Variants in SPAG17 observed in about 807,000 individuals in gnomAD.
SPAG17 encodes the protein sperm associated antigen 17.
Under a neutral mutation model 273.6 loss-of-function variants are expected in SPAG17, and 169 were observed. That is an observed-to-expected ratio of 0.62 (90% CI 0.55 to 0.70). SPAG17 has a LOEUF of 0.70. Ranked by LOEUF, SPAG17 falls within the 30% of genes least tolerant of loss-of-function variation. The probability of loss-of-function intolerance (pLI) is 0.00; values close to 1 mark genes in which losing one functional copy is unlikely to be tolerated. For missense variants in SPAG17, 2,557 were observed against 2,627.8 expected (o/e 0.97, Z 0.59); for synonymous variants, 825 against 873.2 (o/e 0.94, Z 0.97).
intron 1 of SPAG17, among the ~76,000 whole-genome samples, chr1:118,175,919 C>T (rs1170714568): frequency 6.6e-6 from 1 of 152,002 alleles, no homozygotes; most frequent in Non-Finnish European, 1.5e-5. Context: ...GCTATAGCAA[C>T]CTGGTAAGAG....
intron 6 of SPAG17, among the ~76,000 whole-genome samples, chr1:118,098,595 T>TA (rs1232484635): frequency 6.6e-6 from 1 of 152,148 alleles, no homozygotes; most frequent in Non-Finnish European, 1.5e-5. Flanking sequence ...TTTAGTATTA[T>TA]AACTATCCTT....
At chr1:118,098,388 T>C (rs150271740) in intron 6 of SPAG17, among the ~76,000 whole-genome samples, 209 of 152,270 alleles carry the variant, frequency 1.4e-3, no homozygotes, top group Non-Finnish European at 2.6e-3. Flanking sequence ...CAGATTTCCA[T>C]AAAATTATGC....
At chr1:118,032,625 C>CA (rs1424711518) in intron 24 of SPAG17, among the ~76,000 whole-genome samples, 12 of 151,704 alleles carry the variant, frequency 7.9e-5, no homozygotes, top group Admixed American at 6.6e-4. Context: ...GACAGAGTGT[C>CA]ACTCTGTCAC....
chr1:117,987,378 T>C (rs1262824632), intron 40 of SPAG17, among the ~76,000 whole-genome samples: 1 of 152,230 alleles, frequency 6.6e-6, no homozygotes, highest in Non-Finnish European at 1.5e-5. Flanking sequence ...GATAGTTTCA[T>C]GAGTACTGCT....
At chr1:117,975,959 T>A (rs1655088038) in intron 43 of SPAG17, among the ~76,000 whole-genome samples, 1 of 152,248 alleles carries the variant, frequency 6.6e-6, no homozygotes, top group Non-Finnish European at 1.5e-5. Flanking sequence ...CTAAGCATTT[T>A]ACATACATTA....
intron 20 of SPAG17, among the ~76,000 whole-genome samples, chr1:118,051,440 C>T (rs1466051472): frequency 1.3e-5 from 2 of 151,752 alleles, no homozygotes; most frequent in Non-Finnish European, 2.9e-5. Flanking sequence ...TATCTGCATG[C>T]CCATGTTTAT....
chr1:117,969,899 T>C (rs183505001), intron 46 of SPAG17, among the ~76,000 whole-genome samples, 157 bp downstream of exon 46: 16 of 152,318 alleles, frequency 1.1e-4, no homozygotes, highest in Admixed American at 6.5e-4. Context: ...ACTGTATCAC[T>C]ACGAGAAATC....
chr1:117,967,819 G>A (rs1215620097), intron 46 of SPAG17, among the ~76,000 whole-genome samples: 1 of 152,154 alleles, frequency 6.6e-6, no homozygotes, highest in East Asian at 1.9e-4. Flanking sequence ...GCCTCTCCAG[G>A]AGGTGGGTTA....
intron 3 of SPAG17, among the ~76,000 whole-genome samples, chr1:118,149,028 C>T (rs1659227438): frequency 6.6e-6 from 1 of 152,184 alleles, no homozygotes; most frequent in Non-Finnish European, 1.5e-5. Context: ...CAGCGACTGG[C>T]ATTAATGAAT....
At chr1:118,142,723 A>C in intron 3 of SPAG17, among the ~76,000 whole-genome samples, 1 of 152,194 alleles carries the variant, frequency 6.6e-6, no homozygotes, top group East Asian at 1.9e-4. Context: ...AAGAGAAAAC[A>C]GAGGTACAGC....
intron 43 of SPAG17, among the ~76,000 whole-genome samples, chr1:117,974,071 TG>T (rs1185378945): frequency 6.6e-6 from 1 of 152,232 alleles, no homozygotes; most frequent in African/African-American, 2.4e-5. Context: ...CCATCATTGA[TG>T]GGCACCTAGG....
chr1:118,013,340 T>C (rs991364060), intron 29 of SPAG17, among the ~76,000 whole-genome samples: 1 of 152,206 alleles, frequency 6.6e-6, no homozygotes, highest in Non-Finnish European at 1.5e-5. Flanking sequence ...TTTAGCTCTT[T>C]ATGGTAGGTG....
At chr1:118,146,523 C>G (rs74964335) in intron 3 of SPAG17, among the ~76,000 whole-genome samples, 1 of 152,144 alleles carries the variant, frequency 6.6e-6, no homozygotes, top group Non-Finnish European at 1.5e-5. Context: ...AAAATATGTA[C>G]GGAATTCATC....
intron 38 of SPAG17, among the ~76,000 whole-genome samples, chr1:117,988,825 C>A (rs767548272): frequency 6.6e-6 from 1 of 152,100 alleles, no homozygotes; most frequent in Non-Finnish European, 1.5e-5. Flanking sequence ...GAAGCATTAT[C>A]CAAACTTATT....
At chr1:117,971,069 T>C (rs774862799) in intron 45 of SPAG17, among the ~76,000 whole-genome samples, 3 of 152,138 alleles carry the variant, frequency 2.0e-5, no homozygotes, top group Non-Finnish European at 2.9e-5. Context: ...TTTTATCTGA[T>C]TTCCAATCAT....
At chr1:118,094,163 C>A (rs1655565002) in intron 7 of SPAG17, among the ~76,000 whole-genome samples, 1 of 152,200 alleles carries the variant, frequency 6.6e-6, no homozygotes, top group African/African-American at 2.4e-5. Context: ...GCTTCCCATT[C>A]CCACTAAGAC....
intron 4 of SPAG17, among the ~76,000 whole-genome samples, chr1:118,112,041 C>G (rs1382730374): frequency 2.0e-5 from 3 of 152,096 alleles, no homozygotes; most frequent in Non-Finnish European, 4.4e-5. Context: ...GAACTAAACA[C>G]AAAGGAACCT....
At chr1:118,048,967 T>C (rs964272387) in intron 20 of SPAG17, among the ~76,000 whole-genome samples, 4 of 151,954 alleles carry the variant, frequency 2.6e-5, no homozygotes, top group South Asian at 2.1e-4. Flanking sequence ...CATCAACAAA[T>C]TGATAACCTA....
chr1:118,030,124 T>TA (rs1648267285), intron 25 of SPAG17, among the ~76,000 whole-genome samples: 1 of 152,128 alleles, frequency 6.6e-6, no homozygotes, highest in African/African-American at 2.4e-5. Context: ...TACCTGGAGT[T>TA]ATTCTGTTTT....
Sources: allele counts gnomAD v4.1 joint callset (sites outside exome capture counted in the v4.1 genomes callset), GRCh38; gene constraint gnomAD v4.1.1; transcripts MANE v1.5; gene names NCBI Gene and HGNC (gene_info 2026-07-23, HGNC 2026-07-21).